PDE1C: variants seen among roughly 807,000 people sequenced by gnomAD.
The protein encoded by PDE1C is phosphodiesterase 1C.
PDE1C carries 62 observed loss-of-function variants against 93.1 expected under a neutral mutation model. The ratio of observed to expected loss-of-function variants is 0.67; its 90% confidence interval spans 0.54 to 0.82. PDE1C has a LOEUF of 0.82. Ranked by LOEUF, PDE1C falls within the 40% of genes least tolerant of loss-of-function variation. PDE1C has a pLI of 0.00. For synonymous variants in PDE1C, 325 were observed against 310.1 expected (o/e 1.05, Z -0.50); for missense variants, 742 against 884.6 (o/e 0.84, Z 2.04).
At chr7:32,355,108 G>A (rs181677691) in intron 1 of PDE1C, among the ~76,000 whole-genome samples, 7 of 152,288 alleles carry the variant, frequency 4.6e-5, no homozygotes, top group Admixed American at 4.6e-4. Flanking sequence ...CCCTAGAAGG[G>A]TCCCAGGTAA....
At chr7:31,829,125 G>A (rs978334282) in intron 11 of PDE1C, among the ~76,000 whole-genome samples, 1 of 152,102 alleles carries the variant, frequency 6.6e-6, no homozygotes, top group African/African-American at 2.4e-5. Flanking sequence ...CCTTCTTATA[G>A]TAGTGAAGCT....
chr7:31,625,964 TA>T, the PDE1C span, among the ~76,000 whole-genome samples: 1 of 152,208 alleles, frequency 6.6e-6, no homozygotes, highest in African/African-American at 2.4e-5. Context: ...AATTTGGTGA[TA>T]ATAAATATCT....
chr7:32,107,431 A>C (rs569458371), intron 3 of PDE1C, among the ~76,000 whole-genome samples: 2 of 152,306 alleles, frequency 1.3e-5, no homozygotes, highest in South Asian at 4.1e-4. Context: ...AAGGATAAGA[A>C]TTGCATTGAA....
intron 2 of PDE1C, among the ~76,000 whole-genome samples, chr7:32,207,922 G>A (rs1402883051): frequency 2.6e-5 from 4 of 152,224 alleles, no homozygotes; most frequent in Admixed American, 2.0e-4. Flanking sequence ...CCCTCACAGC[G>A]TGGTTGGGTC....
At chr7:32,386,907 T>A (rs1443941569) in intron 1 of PDE1C, among the ~76,000 whole-genome samples, 2 of 151,568 alleles carry the variant, frequency 1.3e-5, no homozygotes, top group Admixed American at 6.6e-5. Context: ...TGATCATTCT[T>A]GGGTGTTTCT....
the PDE1C span, among the ~76,000 whole-genome samples, chr7:31,662,635 G>T: frequency 1.3e-5 from 2 of 152,342 alleles, no homozygotes; most frequent in South Asian, 4.1e-4. Context: ...CTCTGTGCAT[G>T]TATGTGTGCT....
chr7:31,849,212 C>T (rs1274917267), intron 8 of PDE1C, among the ~76,000 whole-genome samples: 1 of 152,134 alleles, frequency 6.6e-6, no homozygotes, highest in Non-Finnish European at 1.5e-5. Flanking sequence ...GTAATAAAGC[C>T]ATTCTCCTCT....
chr7:32,221,847 G>A (rs548951622), intron 1 of PDE1C, among the ~76,000 whole-genome samples: 3 of 152,250 alleles, frequency 2.0e-5, no homozygotes, highest in African/African-American at 2.4e-5. Flanking sequence ...AGAGGGTGAT[G>A]GAGAGAAACT....
intron 16 of PDE1C, among the ~76,000 whole-genome samples, chr7:31,804,753 T>C (rs116540838): frequency 1.4e-4 from 21 of 151,968 alleles, no homozygotes; most frequent in African/African-American, 4.6e-4. Context: ...TGTTAAGTAA[T>C]ATAAAGGTAC....
chr7:31,775,061 A>G (rs1321048311), intron 17 of PDE1C, among the ~76,000 whole-genome samples: 1 of 152,224 alleles, frequency 6.6e-6, no homozygotes, highest in Non-Finnish European at 1.5e-5. Flanking sequence ...CTTATATTAA[A>G]CAATAATTAT....
the PDE1C span, among the ~76,000 whole-genome samples, chr7:31,730,127 AT>A: frequency 6.7e-3 from 1,020 of 152,278 alleles, 10 homozygotes; most frequent in African/African-American, 0.023. Flanking sequence ...CTAGACGTTA[AT>A]TCAGTCTTGG....
At chr7:32,113,447 C>G (rs2128757917) in intron 3 of PDE1C, among the ~76,000 whole-genome samples, 1 of 150,614 alleles carries the variant, frequency 6.6e-6, no homozygotes, top group South Asian at 2.1e-4. Context: ...TTTCTAATAG[C>G]AAAAATCCTC....
At chr7:32,365,970 G>A (rs1376394831) in intron 1 of PDE1C, among the ~76,000 whole-genome samples, 4 of 152,072 alleles carry the variant, frequency 2.6e-5, no homozygotes, top group African/African-American at 9.7e-5. Context: ...TGGAGGAGGT[G>A]ACTTTTCACC....
chr7:31,917,861 GC>G (rs1802125179), intron 2 of PDE1C, among the ~76,000 whole-genome samples: 1 of 152,114 alleles, frequency 6.6e-6, no homozygotes, highest in Non-Finnish European at 1.5e-5. Context: ...CTCTGGGAAA[GC>G]CCCTGTGAGA....
rs140472498 is a variant in PDE1C at position 31,759,148 on chromosome 7, G to A, written c.1961-5595C>T. Among the ~76,000 whole-genome samples the A allele has an allele frequency of 9.9e-4, 151 of 152,242 alleles. 1 individual carries two copies. Among genetic ancestry groups the A allele is most frequent in the African/African-American group, 3.4e-3 (141 of 41,538 alleles). Reference sequence around the variant, plus strand: ...AAAATGTGGGATAAAGGAAAATTTCGTACATTGCTGTTTTGTATGCATTCA... The same window carrying A: ...AAAATGTGGGATAAAGGAAAATTTCATACATTGCTGTTTTGTATGCATTCA... On this transcript the variant is annotated intron_variant, in intron 17 of 17. Transcript: ENST00000396191.
At chr7:31,681,285 T>C in the PDE1C span, among the ~76,000 whole-genome samples, 1 of 152,178 alleles carries the variant, frequency 6.6e-6, no homozygotes, top group Non-Finnish European at 1.5e-5. Flanking sequence ...TATTGTACTT[T>C]ATTCACCATT....
chr7:31,735,533 A>T, the PDE1C span, among the ~76,000 whole-genome samples: 1 of 152,164 alleles, frequency 6.6e-6, no homozygotes, highest in African/African-American at 2.4e-5. Context: ...CAGACTTCAG[A>T]TCCTGCCCTG....
intron 2 of PDE1C, among the ~76,000 whole-genome samples, chr7:31,896,049 C>A (rs1270733367): frequency 3.1e-5 from 4 of 128,920 alleles, no homozygotes; most frequent in African/African-American, 8.4e-5. Flanking sequence ...ACAAACTGCC[C>A]CATCACCCAG....
chr7:31,776,597 T>TA (rs1782988403), intron 16 of PDE1C, among the ~76,000 whole-genome samples: 1 of 152,184 alleles, frequency 6.6e-6, no homozygotes, highest in Non-Finnish European at 1.5e-5. Flanking sequence ...TGTGGGTGTG[T>TA]ACGTATATAC....
Sources: allele counts gnomAD v4.1 joint callset (sites outside exome capture counted in the v4.1 genomes callset), GRCh38; gene constraint gnomAD v4.1.1; transcripts MANE v1.5; gene names NCBI Gene and HGNC (gene_info 2026-07-23, HGNC 2026-07-21).